The following MECOM variants were observed in gnomAD, a reference collection of about 807,000 sequenced individuals.
The protein encoded by MECOM is histone-lysine N-methyltransferase MECOM.
In MECOM, 13 loss-of-function variants were observed where a neutral mutation model predicts 116.3. The observed-to-expected ratio is 0.11, with a 90% CI of 0.07 to 0.18. MECOM has a LOEUF of 0.18. Ranked by LOEUF, MECOM falls within the 10% of genes least tolerant of loss-of-function variation. The probability of loss-of-function intolerance (pLI) is 1.00; values close to 1 mark genes in which losing one functional copy is unlikely to be tolerated. For synonymous variants in MECOM, 528 were observed against 535.2 expected, an observed-to-expected ratio of 0.99 and a Z score of 0.19; for missense variants, 1,299 against 1,509.0, an observed-to-expected ratio of 0.86 and a Z score of 2.31.
At chr3:169,625,034 G>GA (rs35241873) in intron 1 of MECOM, among the ~76,000 whole-genome samples, 4,278 of 134,032 alleles carry the variant, frequency 0.032, 156 homozygotes, top group African/African-American at 0.095. Context: ...TTTGTCCTTG[G>GA]AAAAAAAAAA....
chr3:169,121,011 G>A, intron 7 of MECOM, 45 bp downstream of exon 7: 1 of 1,554,158 alleles, frequency 6.4e-7, no homozygotes, highest in Non-Finnish European at 8.7e-7. Flanking sequence ...GCCTTTTGGG[G>A]AAGAGACAGA....
At chr3:169,644,728 G>A (rs1397662789) in intron 1 of MECOM, among the ~76,000 whole-genome samples, 1 of 152,004 alleles carries the variant, frequency 6.6e-6, no homozygotes, top group Admixed American at 6.6e-5. Flanking sequence ...GATCATTTTG[G>A]GGGAACAAAA....
intron 1 of MECOM, among the ~76,000 whole-genome samples, chr3:169,499,406 C>T (rs1227206364): frequency 6.8e-6 from 1 of 147,408 alleles, no homozygotes; most frequent in East Asian, 2.0e-4. Context: ...AACTGTTCTC[C>T]TCAATAACCA....
chr3:169,534,802 C>T (rs1560403180), intron 1 of MECOM, among the ~76,000 whole-genome samples: 1 of 152,172 alleles, frequency 6.6e-6, no homozygotes, highest in Non-Finnish European at 1.5e-5. Context: ...AAAGGCTAGA[C>T]CACTTGTACA....
intron 1 of MECOM, among the ~76,000 whole-genome samples, chr3:169,595,096 A>G (rs1247658118): frequency 6.6e-6 from 1 of 152,158 alleles, no homozygotes; most frequent in East Asian, 1.9e-4. Context: ...TCATGTGGCT[A>G]TGACCTGAAA....
intron 4 of MECOM, among the ~76,000 whole-genome samples, chr3:169,130,467 C>G (rs561071971): frequency 4.7e-5 from 7 of 149,214 alleles, no homozygotes; most frequent in African/African-American, 1.5e-4. Context: ...CCGCCCCCGC[C>G]GCCAGCCCTC....
intron 2 of MECOM, among the ~76,000 whole-genome samples, chr3:169,153,791 G>T (rs989462160): frequency 1.3e-5 from 2 of 152,084 alleles, no homozygotes; most frequent in Non-Finnish European, 2.9e-5. Flanking sequence ...AGACTATTAC[G>T]AGTGTTGGGA....
chr3:169,451,879 G>A (rs1745662842), intron 1 of MECOM, among the ~76,000 whole-genome samples: 1 of 151,934 alleles, frequency 6.6e-6, no homozygotes, highest in Non-Finnish European at 1.5e-5. Flanking sequence ...GACATGGTTT[G>A]CCTTAAACTG....
At chr3:169,177,342 C>A (rs569226950) in intron 2 of MECOM, among the ~76,000 whole-genome samples, 2 of 152,218 alleles carry the variant, frequency 1.3e-5, no homozygotes, top group South Asian at 4.1e-4. Context: ...TGGAAACCAT[C>A]ATTCTCAGCA....
intron 2 of MECOM, among the ~76,000 whole-genome samples, chr3:169,276,535 A>G (rs1341064566): frequency 6.7e-6 from 1 of 148,660 alleles, no homozygotes; most frequent in Non-Finnish European, 1.5e-5. Context: ...CCTGGGCAAC[A>G]GACCCAGACT....
chr3:169,267,399 G>A (rs1021802524), intron 2 of MECOM, among the ~76,000 whole-genome samples: 2 of 152,142 alleles, frequency 1.3e-5, no homozygotes, highest in Admixed American at 6.5e-5. Context: ...ATGGCCTCAG[G>A]TCTCTTCTCT....
intron 1 of MECOM, among the ~76,000 whole-genome samples, chr3:169,625,848 T>A (rs556599873): frequency 6.6e-6 from 1 of 152,292 alleles, no homozygotes; most frequent in East Asian, 1.9e-4. Flanking sequence ...TATTCCCACA[T>A]TAGGAGAGAT....
intron 2 of MECOM, chr3:169,269,240 T>C (rs1302644062): frequency 6.6e-6 from 1 of 152,430 alleles, no homozygotes; most frequent in Non-Finnish European, 1.5e-5. Context: ...GAATGCTCTA[T>C]CTACCCAAAG....
At chr3:169,486,083 T>G (rs1453522007) in intron 1 of MECOM, among the ~76,000 whole-genome samples, 1 of 144,296 alleles carries the variant, frequency 6.9e-6, no homozygotes, top group African/African-American at 2.6e-5. Context: ...CCAAGTTTGA[T>G]GTGGTTTTAG....
In MECOM at chr3:169,477,121, A is replaced by G. The variant is rs1262677242; in HGVS notation, c.38-95597T>C. 7.4e-4 allele frequency: 55 copies of G among 74,134 alleles called. 1 individual carries two copies. The highest frequency in any genetic ancestry group is 2.2e-3 in the South Asian group (5 of 2,318). 4.6% of individuals were successfully genotyped at this position (74,134 alleles called of 1,614,324 possible). ...TGTGTGTGTGTATATATATATATAT[A>G]TATATATATATATATATATATATAT... On this transcript the variant is annotated intron_variant, in intron 1 of 16. Transcript: ENST00000651503.
Position 169,126,310 on chromosome 3 carries a change from G to T in MECOM, c.830+1534C>A, listed in dbSNP as rs144130008. Among the ~76,000 whole-genome samples the T allele has an allele frequency of 4.7e-3, 711 of 152,116 alleles. 9 individuals are homozygous for T. The highest frequency in any genetic ancestry group is 0.017 in the African/African-American group (689 of 41,540). On this transcript the variant is annotated intron_variant, in intron 5 of 16. Transcript: ENST00000651503. ...AGAATTACATTTTAGTGTTTAGTTG[G>T]TCAATTTTTGCTTTATAATGCCGTT...
At chr3:169,194,894 G>A (rs574555350) in intron 2 of MECOM, among the ~76,000 whole-genome samples, 1 of 152,126 alleles carries the variant, frequency 6.6e-6, no homozygotes, top group African/African-American at 2.4e-5. Context: ...TCATTTGAGA[G>A]TGCAAATAAG....
At chr3:169,085,451 C>A (rs1360535494) in intron 16 of MECOM, among the ~76,000 whole-genome samples, 2 of 152,132 alleles carry the variant, frequency 1.3e-5, no homozygotes, top group Non-Finnish European at 2.9e-5. Flanking sequence ...AGAGCTGTGG[C>A]CTAGTAGAGG....
intron 13 of MECOM, among the ~76,000 whole-genome samples, chr3:169,094,388 G>T (rs943052256): frequency 1.3e-5 from 2 of 152,132 alleles, no homozygotes; most frequent in African/African-American, 4.8e-5. Context: ...GCTGGCAAAT[G>T]TTACTTAATG....
Sources: allele counts gnomAD v4.1 joint callset (sites outside exome capture counted in the v4.1 genomes callset), GRCh38; gene constraint gnomAD v4.1.1; transcripts MANE v1.5; gene names NCBI Gene and HGNC (gene_info 2026-07-23, HGNC 2026-07-21).